PTPRT: variants seen among roughly 807,000 people sequenced by gnomAD.
PTPRT encodes the protein receptor-type tyrosine-protein phosphatase T.
A neutral mutation model predicts 176.8 loss-of-function variants in PTPRT; 56 were observed. The ratio of observed to expected loss-of-function variants is 0.32; its 90% CI spans 0.26 to 0.40. The LOEUF is 0.40. PTPRT is among the 10% of genes least tolerant of loss of function. The pLI is 1.00. For missense variants in PTPRT, 1,540 were observed against 1,908.2 expected, an observed-to-expected ratio of 0.81 and a Z score of 3.60; for synonymous variants, 783 against 739.0, an observed-to-expected ratio of 1.06 and a Z score of -0.96.
At chr20:42,491,688 C>G (rs1311280890) in intron 7 of PTPRT, among the ~76,000 whole-genome samples, 1 of 152,132 alleles carries the variant, frequency 6.6e-6, no homozygotes, top group Non-Finnish European at 1.5e-5. Flanking sequence ...TCGTCACACA[C>G]CAAATTTGCC....
intron 1 of PTPRT, among the ~76,000 whole-genome samples, chr20:43,068,418 A>G (rs1163827923): frequency 6.7e-6 from 1 of 149,990 alleles, no homozygotes; most frequent in Non-Finnish European, 1.5e-5. Context: ...AGGCAGAAGA[A>G]TGGCGTGAAC....
At chr20:42,767,288 A>G (rs1400696071) in intron 5 of PTPRT, among the ~76,000 whole-genome samples, 1 of 152,138 alleles carries the variant, frequency 6.6e-6, no homozygotes, top group African/African-American at 2.4e-5. Flanking sequence ...GGACTCAGTA[A>G]AGTGCATGGC....
chr20:42,624,669 T>C (rs1428811395), intron 7 of PTPRT, among the ~76,000 whole-genome samples: 1 of 152,128 alleles, frequency 6.6e-6, no homozygotes, highest in South Asian at 2.1e-4. Flanking sequence ...CCAGGCATGT[T>C]CAGAAATCCA....
chr20:43,146,997 C>G (rs189421528), intron 1 of PTPRT, among the ~76,000 whole-genome samples: 1 of 152,226 alleles, frequency 6.6e-6, no homozygotes, highest in Non-Finnish European at 1.5e-5. Flanking sequence ...CCATCTCACT[C>G]GCCCAACCTG....
At chr20:42,377,113 ACT>A (rs1385325310) in intron 9 of PTPRT, among the ~76,000 whole-genome samples, 3 of 152,064 alleles carry the variant, frequency 2.0e-5, no homozygotes, top group Non-Finnish European at 1.5e-5. Flanking sequence ...CATTTTCACC[ACT>A]CTGTTTCCTT....
rs62204920 is a variant in PTPRT at position 42,476,701 on chromosome 20, A to T, written c.1154-4139T>A. Among the ~76,000 whole-genome samples the T allele has an allele frequency of 7.9e-3, 1,206 of 152,310 alleles. 11 individuals carry two copies. Among genetic ancestry groups the T allele is most frequent in the Middle Eastern group, 0.014 (4 of 294 alleles). Reference sequence around the variant, plus strand: ...GTACCTGCAGGTGAAAGCATTTTGTAAATCTGAGAACTCGCATTCAGGAAA... The same window carrying T: ...GTACCTGCAGGTGAAAGCATTTTGTTAATCTGAGAACTCGCATTCAGGAAA... On this transcript the variant is annotated intron_variant, in intron 7 of 30. Transcript: ENST00000373187.
rs1982897238 is a variant in PTPRT at position 42,077,555 on chromosome 20, G to C, written c.*3324C>G. 4.6e-6 allele frequency: 1 copy of C among 218,328 alleles called. No homozygotes were observed. The highest frequency in any genetic ancestry group is 9.2e-6 in the Non-Finnish European group (1 of 108,644). The allele number at this position is 218,328 out of a possible 1,614,324, so 13.5% of individuals were successfully genotyped here. On this transcript the variant is annotated 3_prime_UTR_variant, in exon 31 of 31. Coordinates refer to ENST00000373187, the MANE Select transcript of PTPRT (RefSeq NM_007050.6). ...CCTGGGGGTGGTGGTGTTGGCTCCGGAGATTTCCTGGGTAAAGGAAAATGT... is the reference window on the plus strand; with the variant it reads ...CCTGGGGGTGGTGGTGTTGGCTCCGCAGATTTCCTGGGTAAAGGAAAATGT...
At chr20:42,468,336 C>T (rs956374311) in intron 8 of PTPRT, among the ~76,000 whole-genome samples, 1 of 152,150 alleles carries the variant, frequency 6.6e-6, no homozygotes, top group East Asian at 1.9e-4. Context: ...TTGAGGTGAA[C>T]GAGTTACCCA....
chr20:43,147,540 T>G (rs1052535095), intron 1 of PTPRT, among the ~76,000 whole-genome samples: 11 of 152,178 alleles, frequency 7.2e-5, no homozygotes, highest in Admixed American at 4.6e-4. Flanking sequence ...GCTGAGCACA[T>G]GAAGGAATTA....
intron 7 of PTPRT, among the ~76,000 whole-genome samples, chr20:42,619,449 G>A (rs1349127362): frequency 8.0e-6 from 1 of 124,484 alleles, no homozygotes; most frequent in African/African-American, 4.0e-5. Context: ...GAGTATCTTT[G>A]TGGCATTCTC....
At chr20:42,425,060 C>A (rs1193593273) in intron 9 of PTPRT, among the ~76,000 whole-genome samples, 1 of 152,044 alleles carries the variant, frequency 6.6e-6, no homozygotes, top group Non-Finnish European at 1.5e-5. Flanking sequence ...AAGGCCAATT[C>A]TTTCTTTGTG....
chr20:42,571,557 G>A (rs898326918), intron 7 of PTPRT, among the ~76,000 whole-genome samples: 1 of 152,230 alleles, frequency 6.6e-6, no homozygotes, highest in African/African-American at 2.4e-5. Context: ...ACAGCAGCAA[G>A]AGAAAACTAA....
chr20:42,116,901 T>G (rs1987311609), intron 21 of PTPRT, among the ~76,000 whole-genome samples: 1 of 152,172 alleles, frequency 6.6e-6, no homozygotes, highest in Non-Finnish European at 1.5e-5. Context: ...GGGGATATAT[T>G]GTAGAACAGG....
intron 18 of PTPRT, among the ~76,000 whole-genome samples, chr20:42,140,796 T>A (rs1004381321): frequency 6.6e-5 from 10 of 152,094 alleles, no homozygotes; most frequent in Admixed American, 5.2e-4. Flanking sequence ...GTTAATAAAA[T>A]AAGGTGGAAT....
chr20:42,888,610 T>C (rs920679001), intron 1 of PTPRT, among the ~76,000 whole-genome samples: 1 of 152,224 alleles, frequency 6.6e-6, no homozygotes, highest in Non-Finnish European at 1.5e-5. Flanking sequence ...CCCATCCTAA[T>C]AGACCAGAGA....
intron 3 of PTPRT, among the ~76,000 whole-genome samples, chr20:42,786,111 G>T (rs964535061): frequency 6.6e-6 from 1 of 152,184 alleles, no homozygotes; most frequent in African/African-American, 2.4e-5. Context: ...CACCATGTAA[G>T]ATGTGCCTGC....
intron 19 of PTPRT, among the ~76,000 whole-genome samples, chr20:42,128,337 C>G (rs1268762859): frequency 1.3e-5 from 2 of 152,078 alleles, no homozygotes; most frequent in Non-Finnish European, 2.9e-5. Flanking sequence ...TTGATGTGCA[C>G]ATTATCTCCC....
intron 1 of PTPRT, among the ~76,000 whole-genome samples, chr20:42,892,232 C>T (rs1300558641): frequency 6.6e-6 from 1 of 152,178 alleles, no homozygotes; most frequent in Non-Finnish European, 1.5e-5. Context: ...GGAGGCTTTA[C>T]CTACAGTATC....
rs142205748 is a variant in PTPRT, at chr20:42,520,841, G to GTATA, written c.1154-48280_1154-48279insTATA. Among the ~76,000 whole-genome samples, 475 of 143,914 alleles carry GTATA rather than the reference G, an allele frequency of 3.3e-3. 4 individuals are homozygous for GTATA. Among genetic ancestry groups the GTATA allele is most frequent in the African/African-American group, 0.012 (455 of 38,428 alleles). 94.4% of individuals were successfully genotyped at this position (143,914 alleles called of 152,430 possible). Reference sequence around the variant, plus strand: ...TATATATGTATGTATGGGTGTGTGTGTAGATAGATAGATAGATAGATAGAT... The same window carrying GTATA: ...TATATATGTATGTATGGGTGTGTGTGTATATAGATAGATAGATAGATAGATAGAT... On this transcript the variant is annotated intron_variant, in intron 7 of 30. Coordinates refer to ENST00000373187, the MANE Select transcript of PTPRT (RefSeq NM_007050.6).
Sources: allele counts gnomAD v4.1 joint callset (sites outside exome capture counted in the v4.1 genomes callset), GRCh38; gene constraint gnomAD v4.1.1; transcripts MANE v1.5; gene names NCBI Gene and HGNC (gene_info 2026-07-23, HGNC 2026-07-21).